Variants in SYT14 observed in about 807,000 individuals in gnomAD.
SYT14 encodes synaptotagmin-14.
A neutral mutation model predicts 74.2 loss-of-function variants in SYT14; 32 were observed. That is an observed-to-expected ratio of 0.43 (90% CI 0.33 to 0.58). The LOEUF is 0.58. Ranked by LOEUF, SYT14 falls within the 20% of genes least tolerant of loss-of-function variation. The probability of loss-of-function intolerance (pLI) is 0.05; values close to 1 mark genes in which losing one functional copy is unlikely to be tolerated. For synonymous variants in SYT14, 298 were observed against 337.7 expected, an observed-to-expected ratio of 0.88 and a Z score of 1.29; for missense variants, 791 against 981.8, an observed-to-expected ratio of 0.81 and a Z score of 2.60.
At chr1:210,084,558 T>C (rs1048948447) in intron 5 of SYT14, among the ~76,000 whole-genome samples, 2 of 152,206 alleles carry the variant, frequency 1.3e-5, no homozygotes, top group Non-Finnish European at 2.9e-5. Context: ...GGAAAAGTAA[T>C]ATGGAATATT....
intron 7 of SYT14, among the ~76,000 whole-genome samples, chr1:210,126,465 C>T (rs1231445982): frequency 1.3e-5 from 2 of 152,072 alleles, no homozygotes; most frequent in East Asian, 3.9e-4. Flanking sequence ...CTATTCTATA[C>T]TTTATCATTA....
chr1:209,947,069 T>C (rs908431589), intron 1 of SYT14, among the ~76,000 whole-genome samples: 1 of 152,130 alleles, frequency 6.6e-6, no homozygotes, highest in Admixed American at 6.6e-5. Flanking sequence ...TGAGTCCTAC[T>C]CAGAAAAAAG....
At chr1:210,155,985 C>T in intron 8 of SYT14, 75 bp downstream of exon 7, 2 of 1,314,034 alleles carry the variant, frequency 1.5e-6, no homozygotes, top group Non-Finnish European at 2.2e-6. Flanking sequence ...GAGTTCAATC[C>T]TATCATTTAG....
chr1:210,028,991 AC>A (rs1439439911), intron 5 of SYT14, among the ~76,000 whole-genome samples: 1 of 152,086 alleles, frequency 6.6e-6, no homozygotes, highest in African/African-American at 2.4e-5. Context: ...GTGATATCTT[AC>A]TGTAGTTTTG....
At chr1:209,966,044 G>A in intron 2 of SYT14, 1 of 411,344 alleles carries the variant, frequency 2.4e-6, no homozygotes, top group South Asian at 1.7e-5. Flanking sequence ...GCTAATTTTG[G>A]TATTTTTAGT....
At chr1:210,089,155 T>C (rs2081810003) in intron 5 of SYT14, among the ~76,000 whole-genome samples, 1 of 152,048 alleles carries the variant, frequency 6.6e-6, no homozygotes, top group Non-Finnish European at 1.5e-5. Context: ...CTGTGTTAGT[T>C]TGCTGAGAAT....
At chr1:210,044,517 G>T (rs931020767) in intron 5 of SYT14, among the ~76,000 whole-genome samples, 3 of 152,158 alleles carry the variant, frequency 2.0e-5, no homozygotes, top group Non-Finnish European at 2.9e-5. Context: ...TCTTGTTTCA[G>T]CATCGAAACT....
chr1:209,939,155 T>C (rs1292885893), intron 1 of SYT14, among the ~76,000 whole-genome samples: 1 of 152,220 alleles, frequency 6.6e-6, no homozygotes, highest in Non-Finnish European at 1.5e-5. Flanking sequence ...ATTGTGAGAA[T>C]TAATTTCACA....
intron 5 of SYT14, among the ~76,000 whole-genome samples, chr1:210,082,442 G>C (rs1374772774): frequency 1.3e-5 from 2 of 152,104 alleles, no homozygotes; most frequent in Non-Finnish European, 2.9e-5. Flanking sequence ...TAGAATACCA[G>C]AACATTTCGC....
At chr1:209,977,440 G>T (rs1040488659) in intron 2 of SYT14, among the ~76,000 whole-genome samples, 4 of 152,106 alleles carry the variant, frequency 2.6e-5, no homozygotes, top group Admixed American at 2.0e-4. Context: ...GTCTGTAAAG[G>T]ATTTTATTTC....
At chr1:210,154,711 T>G (rs1226836980) in intron 7 of SYT14, among the ~76,000 whole-genome samples, 1 of 152,110 alleles carries the variant, frequency 6.6e-6, no homozygotes, top group Non-Finnish European at 1.5e-5. Context: ...ACCTTTAATT[T>G]CCAAAAAATA....
At chr1:210,137,647 G>A (rs531073793) in intron 7 of SYT14, among the ~76,000 whole-genome samples, 21 of 150,102 alleles carry the variant, frequency 1.4e-4, no homozygotes, top group Non-Finnish European at 2.2e-4. Context: ...CTCCAGAAAT[G>A]CTCTGGGATT....
chr1:209,989,935 A>G (rs2079635885), intron 2 of SYT14, among the ~76,000 whole-genome samples: 1 of 152,104 alleles, frequency 6.6e-6, no homozygotes, highest in Non-Finnish European at 1.5e-5. Context: ...ATTCAGCTAT[A>G]TATTGGTCTG....
exon 10 of SYT14, chr1:210,162,827 A>G: frequency 2.2e-6 from 1 of 452,166 alleles, no homozygotes; most frequent in Non-Finnish European, 4.4e-6. Flanking sequence ...AAGAAAAAAT[A>G]CAAATGCTAT....
intron 7 of SYT14, among the ~76,000 whole-genome samples, chr1:210,139,265 C>CT (rs960923188): frequency 0.14 from 13,309 of 95,990 alleles, 693 homozygotes; most frequent in Admixed American, 0.22. Flanking sequence ...TTTCTTTTTT[C>CT]TTTTTTTTTT....
intron 5 of SYT14, among the ~76,000 whole-genome samples, chr1:210,088,798 C>T (rs894524058): frequency 1.3e-5 from 2 of 151,958 alleles, no homozygotes; most frequent in African/African-American, 4.8e-5. Context: ...TATGCTCAGA[C>T]CTATAAATTT....
chr1:210,146,107 G>T (rs955225834), intron 7 of SYT14, among the ~76,000 whole-genome samples: 25 of 152,266 alleles, frequency 1.6e-4, no homozygotes, highest in African/African-American at 5.3e-4. Flanking sequence ...GGAGGCTGAG[G>T]TGGGCAGGTC....
At chr1:209,953,421 C>T (rs1451717799) in intron 2 of SYT14, among the ~76,000 whole-genome samples, 1 of 152,190 alleles carries the variant, frequency 6.6e-6, no homozygotes, top group Non-Finnish European at 1.5e-5. Context: ...AAGAAATCCT[C>T]ATAAATTTAC....
At chr1:210,116,553 G>A (rs2082365439) in intron 7 of SYT14, among the ~76,000 whole-genome samples, 1 of 152,196 alleles carries the variant, frequency 6.6e-6, no homozygotes. Flanking sequence ...CACCATGTTG[G>A]CCAGGCTGGT....
Sources: gnomAD v4.1 joint callset for allele counts (sites outside exome capture counted in the v4.1 genomes callset) on GRCh38, gnomAD v4.1.1 for gene constraint, MANE v1.5 for transcripts, NCBI Gene and HGNC (gene_info 2026-07-23, HGNC 2026-07-21) for gene names.